The following RAB3GAP1 variants were observed in gnomAD, a reference collection of about 807,000 sequenced individuals.
RAB3GAP1 encodes rab3 GTPase-activating protein catalytic subunit.
In RAB3GAP1, 86 loss-of-function variants were observed where a neutral mutation model predicts 130.7. That is an observed-to-expected ratio of 0.66 (90% CI 0.55 to 0.79). The LOEUF (loss-of-function observed/expected upper bound fraction) is 0.79. RAB3GAP1 is among the 30% of genes least tolerant of loss of function. RAB3GAP1 has a pLI of 0.00. For synonymous variants in RAB3GAP1, 367 were observed against 401.7 expected, an observed-to-expected ratio of 0.91 and a Z score of 1.03; for missense variants, 1,029 against 1,169.4, an observed-to-expected ratio of 0.88 and a Z score of 1.75.
intron 23 of RAB3GAP1, among the ~76,000 whole-genome samples, chr2:135,166,673 T>C (rs963844381): frequency 3.9e-5 from 6 of 152,122 alleles, no homozygotes; most frequent in African/African-American, 1.4e-4. Context: ...TAAGAAAATA[T>C]TAATCACATA....
chr2:135,105,532 T>C (rs1423869557), intron 5 of RAB3GAP1, among the ~76,000 whole-genome samples: 1 of 152,116 alleles, frequency 6.6e-6, no homozygotes, highest in Admixed American at 6.5e-5. Flanking sequence ...GTTCACTCAG[T>C]GCTCAATGTT....
At chr2:135,081,361 T>TATATATATACAC (rs1216831944) in intron 3 of RAB3GAP1, among the ~76,000 whole-genome samples, 54 of 71,214 alleles carry the variant, frequency 7.6e-4, no homozygotes, top group Admixed American at 1.5e-3. Context: ...TATATATATA[T>TATATATATACAC]ACACACACGT....
chr2:135,151,341 T>C (rs985980165), intron 18 of RAB3GAP1, among the ~76,000 whole-genome samples: 18 of 152,188 alleles, frequency 1.2e-4, no homozygotes, highest in Admixed American at 1.2e-3. Context: ...TGCCAATCCA[T>C]ATCCCCTACT....
chr2:135,162,906 A>G, intron 21 of RAB3GAP1, 55 bp downstream of exon 21: 1 of 1,580,562 alleles, frequency 6.3e-7, no homozygotes, highest in Non-Finnish European at 8.7e-7. Context: ...GTTGGCAAAA[A>G]TAATTTTTAA....
chr2:135,173,848 GTGGA>G (rs1324514489), downstream of RAB3GAP1, among the ~76,000 whole-genome samples: 1 of 152,116 alleles, frequency 6.6e-6, no homozygotes, highest in African/African-American at 2.4e-5. Flanking sequence ...GGGTGGGTGG[GTGGA>G]TGGATGGATG....
intron 17 of RAB3GAP1, among the ~76,000 whole-genome samples, chr2:135,142,600 A>G (rs1289929250): frequency 6.6e-6 from 1 of 152,172 alleles, no homozygotes; most frequent in East Asian, 1.9e-4. Flanking sequence ...CCTCAGAAAG[A>G]AAGCATATGA....
chr2:135,160,868 A>G (rs1358489671), intron 19 of RAB3GAP1, among the ~76,000 whole-genome samples: 1 of 152,148 alleles, frequency 6.6e-6, no homozygotes, highest in Non-Finnish European at 1.5e-5. Context: ...GATAAGGGAC[A>G]TGAGTGTGCG....
downstream of RAB3GAP1, among the ~76,000 whole-genome samples, chr2:135,171,093 C>T (rs1231131622): frequency 6.6e-6 from 1 of 151,622 alleles, no homozygotes; most frequent in Non-Finnish European, 1.5e-5. Flanking sequence ...GGGCAGAAAG[C>T]GTATTACAAG....
At chr2:135,130,866 G>T in intron 13 of RAB3GAP1, 145 bp downstream of exon 13, 1 of 766,664 alleles carries the variant, frequency 1.3e-6, no homozygotes, top group Non-Finnish European at 2.1e-6. Flanking sequence ...TACTAGTTTA[G>T]TGGTGAGAAG....
rs192799129 is a variant in RAB3GAP1 at position 135,126,257 on chromosome 2, T to G, written c.899+8T>G. On this transcript the variant is annotated splice_region_variant and intron_variant, in intron 10 of 23. Transcript: ENST00000264158. ...GGATAATGATGTTTATTCGTAAGTATGTTAAGAGTAGTAGTACACTGAGAT... is the reference window on the plus strand; with the variant it reads ...GGATAATGATGTTTATTCGTAAGTAGGTTAAGAGTAGTAGTACACTGAGAT... 49 of 1,604,408 alleles carry G rather than the reference T, an allele frequency of 3.1e-5. 1 individual carries two copies. Among genetic ancestry groups the G allele is most frequent in the Non-Finnish European group, 2.6e-6 (3 of 1,171,462 alleles).
chr2:135,159,042 C>T (rs1449274397), intron 19 of RAB3GAP1, among the ~76,000 whole-genome samples: 1 of 152,148 alleles, frequency 6.6e-6, no homozygotes. Context: ...AAGACTGGAA[C>T]AATTTGAACA....
chr2:135,165,277 A>T (rs1232179470), intron 23 of RAB3GAP1: 1 of 398,676 alleles, frequency 2.5e-6, no homozygotes, highest in African/African-American at 2.1e-5. Flanking sequence ...TAAAGATTTT[A>T]AAATTATATT....
chr2:135,123,082 G>T (rs1050845002), intron 8 of RAB3GAP1, among the ~76,000 whole-genome samples: 3 of 152,044 alleles, frequency 2.0e-5, no homozygotes, highest in Non-Finnish European at 4.4e-5. Context: ...CATGTAACTG[G>T]CTTAAAGTCA....
chr2:135,135,639 A>C lies in RAB3GAP1; in HGVS notation c.1630A>C (p.Ile544Leu). The C allele has an allele frequency of 6.2e-7, 1 of 1,613,132 alleles. No homozygotes were observed. Among genetic ancestry groups the C allele is most frequent in the South Asian group, 1.1e-5 (1 of 90,976 alleles). ...GACAAGTGCTTCAGATGTCACTAAT[A>C]TATATCCAGGGGATGCTGGAAAAGC... is the stretch of plus-strand genomic sequence containing the variant. Reference protein sequence around the residue: ...KKTSASDVTNIYPGDAGKAGD... With the variant: ...KKTSASDVTNLYPGDAGKAGD... The change falls in exon 17 of 24, where the codon ATA (isoleucine) becomes CTA (leucine). Residue 544 changes from isoleucine (I) to leucine (L), a missense_variant. This residue lies in a region of RAB3GAP1 where 373 missense variants were observed against 493.6 expected (regional missense o/e 0.76). Transcript: ENST00000264158.
chr2:135,091,601 C>T (rs1369524853), intron 4 of RAB3GAP1, among the ~76,000 whole-genome samples: 3 of 152,228 alleles, frequency 2.0e-5, no homozygotes, highest in East Asian at 1.9e-4. Flanking sequence ...ATTTTGGAGT[C>T]AAAACAAGTG....
chr2:135,097,198 A>T (rs1341260890), intron 5 of RAB3GAP1, among the ~76,000 whole-genome samples: 1 of 148,956 alleles, frequency 6.7e-6, no homozygotes, highest in Non-Finnish European at 1.5e-5. Context: ...CTTAGTAAGC[A>T]TAGGCACGTC....
chr2:135,106,963 G>A (rs998432997), intron 5 of RAB3GAP1, among the ~76,000 whole-genome samples: 5 of 151,922 alleles, frequency 3.3e-5, no homozygotes, highest in African/African-American at 1.2e-4. Flanking sequence ...GAATACCTTA[G>A]ATGGAAAGAA....
At chr2:135,146,540 A>G (rs190978500) in intron 17 of RAB3GAP1, among the ~76,000 whole-genome samples, 3 of 152,182 alleles carry the variant, frequency 2.0e-5, no homozygotes, top group Non-Finnish European at 2.9e-5. Context: ...TAATCTTGCT[A>G]TGGCGAATGC....
chr2:135,125,170 CTT>C (rs1288922626), intron 9 of RAB3GAP1, among the ~76,000 whole-genome samples: 6 of 152,192 alleles, frequency 3.9e-5, no homozygotes, highest in African/African-American at 9.7e-5. Flanking sequence ...CTTTCTGTCT[CTT>C]TGGATTTACC....
Sources: allele counts gnomAD v4.1 joint callset (sites outside exome capture counted in the v4.1 genomes callset), GRCh38; gene constraint gnomAD v4.1.1; regional missense constraint gnomAD v4.1.1; transcripts MANE v1.5; gene names NCBI Gene and HGNC (gene_info 2026-07-23, HGNC 2026-07-21).